The following DAD1 variants were observed in gnomAD, a reference collection of about 807,000 sequenced individuals.
DAD1 encodes the protein defender against cell death 1.
A neutral mutation model predicts 9.0 loss-of-function variants in DAD1; 4 were observed. That is an observed-to-expected ratio of 0.44 (90% CI 0.22 to 1.01). The LOEUF is 1.01. Among genes scored for constraint, DAD1 ranks in the 50% least tolerant of loss-of-function variants. DAD1 has a pLI of 0.24. For synonymous variants in DAD1, 60 were observed against 62.5 expected, an observed-to-expected ratio of 0.96 and a Z score of 0.19; for missense variants, 119 against 137.3, an observed-to-expected ratio of 0.87 and a Z score of 0.67.
intron 2 of DAD1, 63 bp downstream of exon 2, chr14:22,574,996 G>A: frequency 7.0e-7 from 1 of 1,427,208 alleles, no homozygotes; most frequent in Non-Finnish European, 9.5e-7. Context: ...ATCAAAACCA[G>A]TCCCATCCAA....
chr14:22,569,716 TC>T (rs1229397737), intron 2 of DAD1, among the ~76,000 whole-genome samples: 1 of 152,248 alleles, frequency 6.6e-6, no homozygotes, highest in Admixed American at 6.5e-5. Flanking sequence ...ATTTCGATAT[TC>T]TTTTTTCTTT....
At chr14:22,566,141 G>A (rs1368024479) in intron 2 of DAD1, among the ~76,000 whole-genome samples, 4 of 152,184 alleles carry the variant, frequency 2.6e-5, no homozygotes, top group Non-Finnish European at 5.9e-5. Context: ...TTACAGAAAT[G>A]CTACATAATT....
At chr14:22,577,564 A>C (rs1384286781) in intron 1 of DAD1, among the ~76,000 whole-genome samples, 1 of 152,238 alleles carries the variant, frequency 6.6e-6, no homozygotes, top group African/African-American at 2.4e-5. Flanking sequence ...ACGGATAAGC[A>C]AAGTGTGATG....
chr14:22,584,060 T>C (rs2037136073), intron 1 of DAD1, among the ~76,000 whole-genome samples: 1 of 152,116 alleles, frequency 6.6e-6, no homozygotes, highest in Non-Finnish European at 1.5e-5. Flanking sequence ...TAATTCTCCA[T>C]CAGCACCATA....
chr14:22,581,332 G>T (rs2037113959), intron 1 of DAD1, among the ~76,000 whole-genome samples: 1 of 152,104 alleles, frequency 6.6e-6, no homozygotes. Flanking sequence ...CATAACAGAA[G>T]GTCTCTTTAA....
At chr14:22,575,342 G>T in intron 1 of DAD1, 109 bp from the exon 2 acceptor site, 1 of 1,239,708 alleles carries the variant, frequency 8.1e-7, no homozygotes, top group South Asian at 1.5e-5. Context: ...TAACAGAAAT[G>T]AATGCATATA....
At chr14:22,573,497 C>G (rs542091829) in intron 2 of DAD1, among the ~76,000 whole-genome samples, 39 of 151,930 alleles carry the variant, frequency 2.6e-4, no homozygotes, top group South Asian at 1.2e-3. Flanking sequence ...GGCGGATCAC[C>G]AGGTCAGGAG....
chr14:22,588,050 A>T (rs1379491416), intron 1 of DAD1, among the ~76,000 whole-genome samples: 1 of 152,192 alleles, frequency 6.6e-6, no homozygotes, highest in Non-Finnish European at 1.5e-5. Context: ...GACAATTCCA[A>T]TGCTGTATTT....
intron 1 of DAD1, among the ~76,000 whole-genome samples, chr14:22,583,116 C>T (rs1276891049): frequency 6.6e-6 from 1 of 151,200 alleles, no homozygotes; most frequent in African/African-American, 2.4e-5. Flanking sequence ...GTTCAAGGTA[C>T]ATATCAGACA....
At chr14:22,582,281 A>G (rs7143123) in intron 1 of DAD1, among the ~76,000 whole-genome samples, 13,485 of 150,892 alleles carry the variant, frequency 0.089, 1,093 homozygotes, top group African/African-American at 0.21. Flanking sequence ...TTGGGAAGCC[A>G]AGGCGGGCGG....
At chr14:22,572,285 T>C (rs2139238186) in intron 2 of DAD1, among the ~76,000 whole-genome samples, 1 of 152,302 alleles carries the variant, frequency 6.6e-6, no homozygotes, top group African/African-American at 2.4e-5. Flanking sequence ...TGAGCTGGTA[T>C]AAATATTGAG....
At chr14:22,576,675 G>A (rs1230902360) in intron 1 of DAD1, among the ~76,000 whole-genome samples, 3 of 152,196 alleles carry the variant, frequency 2.0e-5, no homozygotes, top group Non-Finnish European at 4.4e-5. Flanking sequence ...GGGCACAACA[G>A]TGAAAAGGCA....
At chr14:22,585,446 G>A (rs1235719884) in intron 1 of DAD1, among the ~76,000 whole-genome samples, 1 of 152,204 alleles carries the variant, frequency 6.6e-6, no homozygotes, top group Non-Finnish European at 1.5e-5. Context: ...AGGGACAGAT[G>A]TCCTCTTCTA....
At chr14:22,570,942 T>G (rs373423522) in intron 2 of DAD1, among the ~76,000 whole-genome samples, 5 of 152,106 alleles carry the variant, frequency 3.3e-5, no homozygotes, top group African/African-American at 1.2e-4. Flanking sequence ...ATTCTCAAAC[T>G]GTGATCCAAT....
At chr14:22,577,782 A>G (rs182105400) in intron 1 of DAD1, among the ~76,000 whole-genome samples, 2 of 152,342 alleles carry the variant, frequency 1.3e-5, no homozygotes, top group East Asian at 3.9e-4. Context: ...GACAGAGAGG[A>G]GGATGAGGAG....
chr14:22,571,466 G>A (rs5742825), intron 2 of DAD1, among the ~76,000 whole-genome samples: 14,073 of 151,966 alleles, frequency 0.093, 1,207 homozygotes, highest in African/African-American at 0.22. Context: ...AACAAAAACT[G>A]ATCATTTCAG....
intron 2 of DAD1, among the ~76,000 whole-genome samples, chr14:22,573,131 T>A (rs1427519652): frequency 6.6e-6 from 1 of 152,156 alleles, no homozygotes; most frequent in Non-Finnish European, 1.5e-5. Flanking sequence ...GTTTACGTAT[T>A]CTCCCCTACT....
intron 2 of DAD1, among the ~76,000 whole-genome samples, chr14:22,572,201 AT>A (rs5742811): frequency 0.12 from 17,872 of 150,518 alleles, 1,508 homozygotes; most frequent in African/African-American, 0.23. Context: ...ATATTACAGA[AT>A]TTTTTTTTTA....
At chr14:22,572,102 A>AT (rs550218969) in intron 2 of DAD1, among the ~76,000 whole-genome samples, 1 of 152,028 alleles carries the variant, frequency 6.6e-6, no homozygotes, top group Non-Finnish European at 1.5e-5. Flanking sequence ...TGAATTGTTT[A>AT]TTTTTTTAAC....
Sources: allele counts gnomAD v4.1 joint callset (sites outside exome capture counted in the v4.1 genomes callset), GRCh38; gene constraint gnomAD v4.1.1; transcripts MANE v1.5; gene names NCBI Gene and HGNC (gene_info 2026-07-23, HGNC 2026-07-21).